The following LPP variants were observed in gnomAD, a reference collection of about 807,000 sequenced individuals.
LPP encodes the protein LIM domain containing preferred translocation partner in lipoma.
A neutral mutation model predicts 60.4 loss-of-function variants in LPP; 38 were observed. The ratio of observed to expected loss-of-function variants is 0.63; its 90% CI spans 0.49 to 0.83. The LOEUF is 0.83. Ranked by LOEUF, LPP falls within the 40% of genes least tolerant of loss-of-function variation. The probability of loss-of-function intolerance (pLI) is 0.00; values close to 1 mark genes in which losing one functional copy is unlikely to be tolerated. For missense variants in LPP, 902 were observed against 783.6 expected, an observed-to-expected ratio of 1.15 and a Z score of -1.80; for synonymous variants, 328 against 290.8, an observed-to-expected ratio of 1.13 and a Z score of -1.30.
At chr3:188,707,517 C>A (rs1158703996) in intron 7 of LPP, among the ~76,000 whole-genome samples, 2 of 152,228 alleles carry the variant, frequency 1.3e-5, no homozygotes, top group African/African-American at 4.8e-5. Context: ...AGTGTCAATG[C>A]TACTGACTTA....
Position 188,596,241 on chromosome 3 carries a change from C to G in LPP, c.430-12920C>G, listed in dbSNP as rs375293445. Reference sequence around the variant, plus strand: ...AACCAGAGCCATTTTAGTGATTATGCAAAGTTAGAATGTGAGTAATTTTGC... The same window carrying G: ...AACCAGAGCCATTTTAGTGATTATGGAAAGTTAGAATGTGAGTAATTTTGC... On this transcript the variant is annotated intron_variant, in intron 6 of 11. Coordinates refer to ENST00000617246, the MANE Select transcript of LPP (RefSeq NM_001375462.1). Among the ~76,000 whole-genome samples, 18 of 152,176 alleles carry G rather than the reference C, an allele frequency of 1.2e-4. 1 individual carries two copies. The South Asian group carries it at 1.5e-3, about 12-fold the overall frequency.
intron 5 of LPP, among the ~76,000 whole-genome samples, chr3:188,491,375 G>A (rs1287577873): frequency 6.6e-6 from 1 of 152,318 alleles, no homozygotes; most frequent in Non-Finnish European, 1.5e-5. Flanking sequence ...GTCAGCAAGA[G>A]CTTTAATGTA....
intron 6 of LPP, among the ~76,000 whole-genome samples, chr3:188,550,433 T>C (rs1448381509): frequency 6.6e-6 from 1 of 151,232 alleles, no homozygotes; most frequent in Admixed American, 6.6e-5. Context: ...AAAAATTTAG[T>C]TGGGTGTGGT....
At chr3:188,587,896 CA>C (rs1269684884) in intron 6 of LPP, among the ~76,000 whole-genome samples, 3 of 152,178 alleles carry the variant, frequency 2.0e-5, no homozygotes, top group Non-Finnish European at 4.4e-5. Context: ...TCAAACAATA[CA>C]AAACATGATA....
intron 4 of LPP, among the ~76,000 whole-genome samples, chr3:188,438,421 A>T (rs1448307042): frequency 6.6e-6 from 1 of 151,138 alleles, no homozygotes; most frequent in Non-Finnish European, 1.5e-5. Context: ...AATCCTCATA[A>T]TATTATGAGG....
intron 9 of LPP, among the ~76,000 whole-genome samples, chr3:188,785,684 A>T (rs924412534): frequency 2.6e-5 from 4 of 151,448 alleles, no homozygotes; most frequent in Non-Finnish European, 5.9e-5. Flanking sequence ...TTGTGCAAGT[A>T]TCTTTTTCGT....
chr3:188,596,589 T>G (rs1037743997), intron 6 of LPP, among the ~76,000 whole-genome samples: 4 of 152,094 alleles, frequency 2.6e-5, no homozygotes, highest in African/African-American at 9.7e-5. Context: ...GTGATCATTA[T>G]AAAATGAGAG....
At chr3:188,440,440 C>T (rs1325143126) in intron 4 of LPP, among the ~76,000 whole-genome samples, 1 of 152,058 alleles carries the variant, frequency 6.6e-6, no homozygotes, top group Non-Finnish European at 1.5e-5. Flanking sequence ...GCATTTCCTT[C>T]TAGGATTTTT....
intron 5 of LPP, among the ~76,000 whole-genome samples, chr3:188,523,667 A>G (rs1358044823): frequency 1.3e-5 from 2 of 152,208 alleles, no homozygotes; most frequent in African/African-American, 2.4e-5. Flanking sequence ...TGCAGACACT[A>G]GATACTCTCT....
At chr3:188,833,738 C>A (rs2151624647) in intron 9 of LPP, among the ~76,000 whole-genome samples, 1 of 152,162 alleles carries the variant, frequency 6.6e-6, no homozygotes, top group East Asian at 1.9e-4. Context: ...AACCACGAAC[C>A]ACCAAGAATT....
intron 5 of LPP, among the ~76,000 whole-genome samples, chr3:188,491,046 C>T (rs1029889658): frequency 7.9e-5 from 12 of 152,030 alleles, no homozygotes; most frequent in Non-Finnish European, 1.3e-4. Flanking sequence ...AGGCGTGAGC[C>T]ACCGCGCCTG....
rs1281975600 is a variant in LPP at position 188,889,454 on chromosome 3, G to A, written c.*14975G>A. Reference sequence around the variant, plus strand: ...CCAGCTGGCAGATTACACTTGCCAAGTCGTTCCCTTTCCTTCTAAGTCAGT... The same window carrying A: ...CCAGCTGGCAGATTACACTTGCCAAATCGTTCCCTTTCCTTCTAAGTCAGT... On this transcript the variant is annotated 3_prime_UTR_variant, in exon 12 of 12. Coordinates refer to ENST00000617246, the MANE Select transcript of LPP (RefSeq NM_001375462.1). 1 of 231,576 alleles carries A rather than the reference G, an allele frequency of 4.3e-6. No homozygotes were observed. Among genetic ancestry groups the A allele is most frequent in the Non-Finnish European group, 8.5e-6 (1 of 116,990 alleles). The allele number at this position is 231,576 out of a possible 1,614,324, so 14.3% of individuals were successfully genotyped here. A position where few individuals can be genotyped will look rare whatever the true frequency, so the allele number is the denominator to read the frequency against.
At chr3:188,705,444 T>A (rs1281275538) in intron 7 of LPP, among the ~76,000 whole-genome samples, 1 of 152,154 alleles carries the variant, frequency 6.6e-6, no homozygotes, top group Non-Finnish European at 1.5e-5. Flanking sequence ...GTGACCAACC[T>A]TCGTCATTTA....
At position 188,820,766 on chromosome 3, in the gene LPP, C is replaced by T. The variant is rs182149517; in HGVS notation, c.1411-45434C>T. On this transcript the variant is annotated intron_variant, in intron 9 of 11. Transcript: ENST00000617246. Reference sequence around the variant, plus strand: ...TCCTTTTTATTGTAAATAAATATAACGTTAACTCCGATAAGTCCAGACTAC... The same window carrying T: ...TCCTTTTTATTGTAAATAAATATAATGTTAACTCCGATAAGTCCAGACTAC... Among the ~76,000 whole-genome samples the T allele has an allele frequency of 1.1e-4, 17 of 152,234 alleles. No individual in the cohort carries two copies. In the East Asian group the frequency reaches 2.5e-3, roughly 22 times the overall value.
chr3:188,534,415 T>C (rs1490931244), intron 6 of LPP, among the ~76,000 whole-genome samples: 1 of 152,252 alleles, frequency 6.6e-6, no homozygotes, highest in Non-Finnish European at 1.5e-5. Flanking sequence ...ATTAGTCCTA[T>C]GTCTATGCAG....
intron 6 of LPP, among the ~76,000 whole-genome samples, chr3:188,546,444 G>C (rs1409624895): frequency 6.6e-6 from 1 of 152,064 alleles, no homozygotes; most frequent in African/African-American, 2.4e-5. Flanking sequence ...CTTTGAGAGA[G>C]GTGGGTCTGA....
chr3:188,509,805 G>T (rs910386409), intron 5 of LPP, among the ~76,000 whole-genome samples: 1 of 144,670 alleles, frequency 6.9e-6, no homozygotes, highest in Non-Finnish European at 1.5e-5. Flanking sequence ...CGATTCTCCT[G>T]TTTCAGCTTC....
intron 4 of LPP, among the ~76,000 whole-genome samples, chr3:188,456,982 C>T (rs1186123525): frequency 6.6e-6 from 1 of 152,108 alleles, no homozygotes; most frequent in Non-Finnish European, 1.5e-5. Flanking sequence ...TTCAGAAACT[C>T]CATGACTATT....
chr3:188,439,665 T>C (rs1298026358), intron 4 of LPP, among the ~76,000 whole-genome samples: 1 of 152,222 alleles, frequency 6.6e-6, no homozygotes, highest in African/African-American at 2.4e-5. Flanking sequence ...AATTAAGTAA[T>C]GAATATTTTA....
Sources: allele counts gnomAD v4.1 joint callset (sites outside exome capture counted in the v4.1 genomes callset), GRCh38; gene constraint gnomAD v4.1.1; transcripts MANE v1.5; gene names NCBI Gene and HGNC (gene_info 2026-07-23, HGNC 2026-07-21).